Variants in PPIL3 observed in about 807,000 individuals in gnomAD.
The protein encoded by PPIL3 is peptidylprolyl isomerase like 3.
In PPIL3, 13 loss-of-function variants were observed where a neutral mutation model predicts 20.9. The ratio of observed to expected loss-of-function variants is 0.62; its 90% CI spans 0.40 to 0.99. The LOEUF (loss-of-function observed/expected upper bound fraction) is 0.99, where lower values mean the gene tolerates loss of function less well. Among genes scored for constraint, PPIL3 ranks in the 50% least tolerant of loss-of-function variants. PPIL3 has a pLI of 0.00. For missense variants in PPIL3, 170 were observed against 195.2 expected (o/e 0.87, Z 0.77); for synonymous variants, 71 against 64.4 (o/e 1.10, Z -0.49).
At chr2:200,872,316 A>T (rs1315700612) in intron 6 of PPIL3, among the ~76,000 whole-genome samples, 4 of 151,994 alleles carry the variant, frequency 2.6e-5, no homozygotes, top group Admixed American at 2.6e-4. Context: ...CAGCGCTTCC[A>T]TGCTCTTCTC....
At position 200,885,721 on chromosome 2, in the gene PPIL3, C is replaced by G; in HGVS notation, c.55G>C (p.Glu19Gln). Residue 19 changes from glutamate to glutamine, a missense_variant, in exon 3 of 7, where the codon GAG becomes CAG. By Grantham distance (29) the Glu-to-Gln change is conservative. Transcript: ENST00000392283. ...ACCTCACATGTTTTGGGTGTCCTCTCACAGAAGACTTCAATTTTAATATCA... is the reference window on the plus strand; with the variant it reads ...ACCTCACATGTTTTGGGTGTCCTCTGACAGAAGACTTCAATTTTAATATCA... ...VGDIKIEVFC[E>Q]RTPKTCENFL... 2 of 1,589,602 alleles carry G rather than the reference C, an allele frequency of 1.3e-6. No homozygotes were observed. Among genetic ancestry groups the G allele is most frequent in the Non-Finnish European group, 1.7e-6 (2 of 1,160,012 alleles).
intron 5 of PPIL3, among the ~76,000 whole-genome samples, chr2:200,880,477 G>A (rs1467435089): frequency 6.9e-6 from 1 of 144,772 alleles, no homozygotes; most frequent in African/African-American, 2.7e-5. Context: ...TTGATCTCCT[G>A]GGCTCAAGCA....
intron 3 of PPIL3, 81 bp from the exon 4 acceptor site, chr2:200,882,516 G>A (rs915097333): frequency 1.0e-5 from 9 of 859,874 alleles, no homozygotes; most frequent in East Asian, 4.8e-5. Flanking sequence ...TACTGAAAAC[G>A]TGATAGCAGC....
intron 6 of PPIL3, among the ~76,000 whole-genome samples, chr2:200,875,518 G>T (rs984463515): frequency 6.6e-6 from 1 of 151,558 alleles, no homozygotes; most frequent in Non-Finnish European, 1.5e-5. Context: ...TGCCCTCCTT[G>T]GCCTCCCAAA....
chr2:200,876,134 G>GTTTT (rs886677890), intron 6 of PPIL3, among the ~76,000 whole-genome samples: 2 of 144,764 alleles, frequency 1.4e-5, no homozygotes, highest in African/African-American at 5.3e-5. Context: ...AAAAAAAAGT[G>GTTTT]TTTTTTTTGT....
At chr2:200,876,878 G>T in intron 6 of PPIL3, 41 bp downstream of exon 6, 1 of 1,389,932 alleles carries the variant, frequency 7.2e-7, no homozygotes, top group Non-Finnish European at 1.0e-6. Flanking sequence ...TGCACCACTT[G>T]CATTGAAATG....
intron 4 of PPIL3, 40 bp from the exon 5 acceptor site, chr2:200,881,528 T>G: frequency 6.5e-7 from 1 of 1,544,212 alleles, no homozygotes; most frequent in Non-Finnish European, 8.9e-7. Flanking sequence ...AGTATTTAAT[T>G]AAATTGAAAA....
chr2:200,882,523 C>A, intron 3 of PPIL3, 88 bp from the exon 4 acceptor site: 1 of 831,504 alleles, frequency 1.2e-6, no homozygotes. Context: ...AACGTGATAG[C>A]AGCATATTTA....
intron 6 of PPIL3, among the ~76,000 whole-genome samples, chr2:200,875,455 A>T (rs1051163878): frequency 5.9e-5 from 9 of 151,898 alleles, no homozygotes; most frequent in East Asian, 1.9e-4. Flanking sequence ...TTTAGTAGAG[A>T]TGGGGTTTCA....
At chr2:200,885,803 G>A (rs2039915310) in intron 2 of PPIL3, 31 bp from the exon 3 acceptor site, 1 of 1,369,448 alleles carries the variant, frequency 7.3e-7, no homozygotes, top group Non-Finnish European at 1.0e-6. Flanking sequence ...GAGAACAAAT[G>A]AAATTTATTT....
At chr2:200,879,582 C>T (rs2039644364) in intron 5 of PPIL3, among the ~76,000 whole-genome samples, 1 of 152,168 alleles carries the variant, frequency 6.6e-6, no homozygotes, top group Non-Finnish European at 1.5e-5. Context: ...CTCCTATAAT[C>T]CCAACACTTT....
rs758373126 is a variant in PPIL3 at position 200,885,656 on chromosome 2, G to A, written c.78+42C>T. On this transcript the variant is annotated intron_variant, in intron 3 of 6. Transcript: ENST00000392283. ...TATTCAATTCCAAAGTGCTTATCTTGTTGTATTAACTGATGTTGAATATGT... is the reference window on the plus strand; with the variant it reads ...TATTCAATTCCAAAGTGCTTATCTTATTGTATTAACTGATGTTGAATATGT... The A allele has an allele frequency of 3.2e-5, 39 of 1,211,436 alleles. No homozygotes were observed. The Admixed American group carries it at 6.7e-4, about 21-fold the overall frequency. 75.0% of individuals were successfully genotyped at this position (1,211,436 alleles called of 1,614,324 possible).
At position 200,871,273 on chromosome 2, in the gene PPIL3, T is replaced by A; in HGVS notation, c.*122A>T. 2 of 1,057,612 alleles carry A rather than the reference T, an allele frequency of 1.9e-6. No homozygotes were observed. Among genetic ancestry groups the A allele is most frequent in the Non-Finnish European group, 2.7e-6 (2 of 753,316 alleles). 65.5% of individuals were successfully genotyped at this position (1,057,612 alleles called of 1,614,324 possible). A position where few individuals can be genotyped will look rare whatever the true frequency, so the allele number is the denominator to read the frequency against. On this transcript the variant is annotated 3_prime_UTR_variant, in exon 7 of 7. Transcript: ENST00000392283. Reference sequence around the variant, plus strand: ...GGCGCCCCTTGGTACCACCATTTCATAGAAGATCATAGTTGTAAACAAGCA... The same window carrying A: ...GGCGCCCCTTGGTACCACCATTTCAAAGAAGATCATAGTTGTAAACAAGCA...
At chr2:200,877,952 G>A (rs946461736) in intron 5 of PPIL3, among the ~76,000 whole-genome samples, 3 of 152,162 alleles carry the variant, frequency 2.0e-5, no homozygotes, top group African/African-American at 7.2e-5. Flanking sequence ...GAATGAAGAT[G>A]TAACTGTGAA....
At chr2:200,888,117 A>T (rs74783123) in intron 1 of PPIL3, among the ~76,000 whole-genome samples, 7,417 of 151,446 alleles carry the variant, frequency 0.049, 502 homozygotes, top group African/African-American at 0.15. Context: ...CCGGCTATAG[A>T]AGATATCCTA....
chr2:200,877,951 TGTAACTGTG>T (rs1336432108), intron 5 of PPIL3, among the ~76,000 whole-genome samples: 1 of 152,184 alleles, frequency 6.6e-6, no homozygotes, highest in African/African-American at 2.4e-5. Context: ...AGAATGAAGA[TGTAACTGTG>T]AACTATGTTA....
intron 6 of PPIL3, among the ~76,000 whole-genome samples, chr2:200,874,567 T>A (rs1171588478): frequency 6.6e-6 from 1 of 152,200 alleles, no homozygotes; most frequent in African/African-American, 2.4e-5. Flanking sequence ...CTAAGGTTAA[T>A]CTTTGTTCTA....
In PPIL3 at chr2:200,888,960, G is replaced by A. The variant is rs1287805967; in HGVS notation, c.-75C>T. 6.4e-6 allele frequency: 3 copies of A among 471,060 alleles called. No homozygotes were observed. Among genetic ancestry groups the A allele is most frequent in the African/African-American group, 2.0e-5 (1 of 50,066 alleles). The allele number at this position is 471,060 out of a possible 1,614,324, so 29.2% of individuals were successfully genotyped here. ...ATTAATGACGTTACTCCATACTTGG[G>A]CTTCACCACTTCGTCTAGCACAGCC... On this transcript the variant is annotated 5_prime_UTR_variant, in exon 1 of 7. Coordinates refer to ENST00000392283, the MANE Select transcript of PPIL3 (RefSeq NM_130906.3).
intron 6 of PPIL3, among the ~76,000 whole-genome samples, chr2:200,873,352 G>A (rs1243726999): frequency 6.6e-6 from 1 of 151,902 alleles, no homozygotes; most frequent in African/African-American, 2.4e-5. Context: ...CCCATGCCCA[G>A]CTAATTTTTG....
Sources: allele counts gnomAD v4.1 joint callset (sites outside exome capture counted in the v4.1 genomes callset), GRCh38; gene constraint gnomAD v4.1.1; transcripts MANE v1.5; gene names NCBI Gene and HGNC (gene_info 2026-07-23, HGNC 2026-07-21).